Variants in SCN9A observed in about 807,000 individuals in gnomAD.
SCN9A encodes the protein sodium channel protein type 9 subunit alpha.
In SCN9A, 131 loss-of-function variants were observed where a neutral mutation model predicts 187.0. The ratio of observed to expected loss-of-function variants is 0.70; its 90% CI spans 0.61 to 0.81. The LOEUF is 0.81. Among genes scored for constraint, SCN9A ranks in the 30% least tolerant of loss-of-function variants. The pLI is 0.00. For synonymous variants in SCN9A, 809 were observed against 808.6 expected (o/e 1.00, Z -0.01); for missense variants, 2,252 against 2,396.6 (o/e 0.94, Z 1.26).
intron 1 of SCN9A, among the ~76,000 whole-genome samples, chr2:166,360,900 T>A (rs1700268322): frequency 6.6e-6 from 1 of 152,194 alleles, no homozygotes; most frequent in Non-Finnish European, 1.5e-5. Flanking sequence ...TACCTATGTT[T>A]TATCTTGCCA....
chr2:166,345,473 CTT>C (rs1033286768), intron 1 of SCN9A, among the ~76,000 whole-genome samples: 5 of 151,684 alleles, frequency 3.3e-5, no homozygotes, highest in African/African-American at 1.2e-4. Flanking sequence ...ATATCCGCCT[CTT>C]TTGAAAACTT....
chr2:166,283,315 ACCTAAAAGCACATGCATT>A (rs1697578237), intron 12 of SCN9A, among the ~76,000 whole-genome samples: 1 of 152,212 alleles, frequency 6.6e-6, no homozygotes, highest in Non-Finnish European at 1.5e-5. Flanking sequence ...GTCACATGTT[ACCTAAAAGCACATGCATT>A]TATTCAAATT....
chr2:166,316,165 T>G (rs1699101805), intron 1 of SCN9A, among the ~76,000 whole-genome samples: 1 of 152,166 alleles, frequency 6.6e-6, no homozygotes, highest in Admixed American at 6.5e-5. Context: ...TGAATAAAGA[T>G]ATTAATATAT....
At chr2:166,279,088 T>C (rs554727276) in intron 14 of SCN9A, among the ~76,000 whole-genome samples, 1 of 149,728 alleles carries the variant, frequency 6.7e-6, no homozygotes, top group African/African-American at 2.4e-5. Context: ...AGGTAAATCC[T>C]TTCTGAGTTC....
intron 1 of SCN9A, among the ~76,000 whole-genome samples, chr2:166,313,591 A>T (rs1699033035): frequency 6.6e-6 from 1 of 151,978 alleles, no homozygotes; most frequent in African/African-American, 2.4e-5. Flanking sequence ...CTTGCTGTGG[A>T]TTAGGCTTTG....
At chr2:166,267,520 C>CGT (rs368941552) in intron 17 of SCN9A, among the ~76,000 whole-genome samples, 2 of 151,496 alleles carry the variant, frequency 1.3e-5, no homozygotes, top group Non-Finnish European at 3.0e-5. Flanking sequence ...GCTTTCTTTT[C>CGT]GTGTGTGTGT....
rs1178892201 is a variant in SCN9A at position 166,288,605 on chromosome 2, AAAG to A, written c.1143_1145del (p.Phe382del). On this transcript the variant is annotated inframe_deletion, in exon 10 of 27. Coordinates refer to ENST00000642356, the MANE Select transcript of SCN9A (RefSeq NM_001365536.1). Reference sequence around the variant, plus strand: ...AGGAGCCCAGGAAAATCACTACGACAAAGAAGATCATGTAGGTTTTGCCAGCAG... The same window carrying A: ...AGGAGCCCAGGAAAATCACTACGACAAAGATCATGTAGGTTTTGCCAGCAG... 6.2e-7 allele frequency: 1 copy of A among 1,611,152 alleles called. No individual in the cohort carries two copies. The highest frequency in any genetic ancestry group is 8.5e-7 in the Non-Finnish European group (1 of 1,178,180).
intron 21 of SCN9A, among the ~76,000 whole-genome samples, chr2:166,232,120 T>G (rs1695111970): frequency 6.6e-6 from 1 of 152,058 alleles, no homozygotes; most frequent in South Asian, 2.1e-4. Flanking sequence ...AGGCATAAAA[T>G]AGCAGGTATA....
intron 1 of SCN9A, among the ~76,000 whole-genome samples, chr2:166,375,313 T>TA: frequency 6.6e-6 from 1 of 152,238 alleles, no homozygotes; most frequent in South Asian, 2.1e-4. Flanking sequence ...TTTTTGCTCG[T>TA]AAAAAATGTG....
At chr2:166,233,212 C>A in intron 21 of SCN9A, 128 bp downstream of exon 21, 1 of 446,160 alleles carries the variant, frequency 2.2e-6, no homozygotes, top group Non-Finnish European at 3.6e-6. Context: ...TATATGTACA[C>A]ACACATACAT....
intron 12 of SCN9A, 122 bp downstream of exon 12, chr2:166,284,331 A>G: frequency 2.6e-6 from 3 of 1,146,310 alleles, no homozygotes; most frequent in Non-Finnish European, 3.7e-6. Flanking sequence ...GTGTGTTCCT[A>G]TAGAAAAAGT....
chr2:166,277,115 G>A lies in SCN9A; in HGVS notation c.2742C>T (p.Phe914=). The A allele has an allele frequency of 6.2e-7, 1 of 1,614,000 alleles. No individual in the cohort carries two copies. The highest frequency in any genetic ancestry group is 8.5e-7 in the Non-Finnish European group (1 of 1,179,986). Residue 914 remains phenylalanine, a synonymous_variant, in exon 16 of 27, where the codon TTC becomes TTT. Transcript: ENST00000642356. ...CGCGGAACACAATCAGGAAGGAGTG[G>A]AAGAAGTCGTTCATGTGCCACCGTG... ...TLPRWHMNDF[F]HSFLIVFRVL... is the part of the protein sequence containing the mutation.
intron 1 of SCN9A, among the ~76,000 whole-genome samples, chr2:166,343,642 T>C (rs1699835996): frequency 6.6e-6 from 1 of 152,092 alleles, no homozygotes; most frequent in South Asian, 2.1e-4. Flanking sequence ...CTCATGCCTA[T>C]AATCCCAGCA....
chr2:166,224,144 T>C (rs1694745696), intron 24 of SCN9A, among the ~76,000 whole-genome samples: 1 of 152,176 alleles, frequency 6.6e-6, no homozygotes, highest in South Asian at 2.1e-4. Flanking sequence ...GTTTTATTTA[T>C]GCTCATACTG....
chr2:166,253,143 A>G (rs899774735), intron 17 of SCN9A, among the ~76,000 whole-genome samples: 2 of 151,946 alleles, frequency 1.3e-5, no homozygotes, highest in African/African-American at 4.8e-5. Context: ...CTTGATGGGT[A>G]CCACATTAAA....
intron 2 of SCN9A, 51 bp downstream of exon 2, chr2:166,311,448 A>T (rs1698952740): frequency 7.2e-7 from 1 of 1,386,514 alleles, no homozygotes; most frequent in Non-Finnish European, 9.4e-7. Context: ...AATAATTTTT[A>T]TACAGAAGGA....
chr2:166,327,092 G>A (rs758421005), intron 1 of SCN9A, among the ~76,000 whole-genome samples: 14 of 152,228 alleles, frequency 9.2e-5, no homozygotes, highest in East Asian at 3.9e-4. Flanking sequence ...TTAATATTGC[G>A]TTTATACCAC....
At chr2:166,327,055 T>C (rs1307649723) in intron 1 of SCN9A, among the ~76,000 whole-genome samples, 1 of 152,228 alleles carries the variant, frequency 6.6e-6, no homozygotes, top group African/African-American at 2.4e-5. Context: ...AATTTCTGTC[T>C]TATTTTGATA....
At chr2:166,205,406 C>T (rs535656296) in intron 24 of SCN9A, among the ~76,000 whole-genome samples, 71 of 152,146 alleles carry the variant, frequency 4.7e-4, no homozygotes, top group African/African-American at 1.7e-3. Flanking sequence ...AAACAAGCAA[C>T]GGGGAAAGGC....
Sources: gnomAD v4.1 joint callset for allele counts (sites outside exome capture counted in the v4.1 genomes callset) on GRCh38, gnomAD v4.1.1 for gene constraint, MANE v1.5 for transcripts, NCBI Gene and HGNC (gene_info 2026-07-23, HGNC 2026-07-21) for gene names.